Variants in MNS1 observed in about 807,000 individuals in gnomAD.
MNS1 encodes meiosis specific nuclear structural 1.
A neutral mutation model predicts 72.0 loss-of-function variants in MNS1; 63 were observed. The observed-to-expected ratio is 0.87, with a 90% CI of 0.71 to 1.08. MNS1 has a LOEUF of 1.08. MNS1 is among the 50% of genes least tolerant of loss of function. MNS1 has a pLI of 0.00. For missense variants in MNS1, 604 were observed against 562.4 expected, an observed-to-expected ratio of 1.07 and a Z score of -0.75; for synonymous variants, 188 against 172.1, an observed-to-expected ratio of 1.09 and a Z score of -0.72.
At chr15:56,464,287 C>G in intron 1 of MNS1, 40 bp from the exon 2 acceptor site, 1 of 1,398,546 alleles carries the variant, frequency 7.2e-7, no homozygotes, top group Non-Finnish European at 9.8e-7. Flanking sequence ...TTTTGATATT[C>G]CAAAATCTAA....
Position 56,443,683 on chromosome 15 carries a change from T to C in MNS1, c.858A>G (p.Ala286=), listed in dbSNP as rs2050857220. The stretch of plus-strand genomic sequence containing the variant: ...TTTTCTCCTCATTTTCTTGAACTTT[T>C]GCCATCCGATCTTCTTCTCTTTGCT... ...MQQQREEDRM[A]KVQENEEKRL... is the part of the protein sequence containing the mutation. The change falls in exon 6 of 10, where the codon GCA becomes GCG. Residue 286 remains alanine, a synonymous_variant. Coordinates refer to ENST00000260453, the MANE Select transcript of MNS1 (RefSeq NM_018365.4). 1.2e-6 allele frequency: 2 copies of C among 1,613,480 alleles called. No individual in the cohort carries two copies. Among genetic ancestry groups the C allele is most frequent in the African/African-American group, 1.3e-5 (1 of 75,052 alleles).
intron 2 of MNS1, among the ~76,000 whole-genome samples, chr15:56,461,778 CTA>C (rs2051023190): frequency 1.3e-5 from 2 of 150,098 alleles, no homozygotes; most frequent in African/African-American, 4.9e-5. Context: ...ACATAAATAT[CTA>C]TGAGTCCATA....
At chr15:56,436,228 T>G (rs529659937) in intron 7 of MNS1, among the ~76,000 whole-genome samples, 2 of 152,164 alleles carry the variant, frequency 1.3e-5, no homozygotes, top group African/African-American at 2.4e-5. Context: ...TCAGCAAATG[T>G]AAAAGAACAG....
chr15:56,445,399 A>G (rs759264899), intron 4 of MNS1, among the ~76,000 whole-genome samples: 134 of 152,154 alleles, frequency 8.8e-4, no homozygotes, highest in Non-Finnish European at 1.6e-3. Context: ...TTTTTAAACT[A>G]CGCTTTACTT....
intron 9 of MNS1, chr15:56,430,204 C>CTGTT (rs1165663401): frequency 6.6e-6 from 1 of 152,024 alleles, no homozygotes; most frequent in East Asian, 1.9e-4. Context: ...GCCTATGAAA[C>CTGTT]TGTTATTACT....
intron 7 of MNS1, among the ~76,000 whole-genome samples, chr15:56,438,148 A>T (rs1167184024): frequency 6.6e-6 from 1 of 152,154 alleles, no homozygotes; most frequent in African/African-American, 2.4e-5. Context: ...AAAAGGGGCC[A>T]CATTGCCAAG....
intron 5 of MNS1, among the ~76,000 whole-genome samples, chr15:56,444,055 C>T (rs1435638723): frequency 6.6e-6 from 1 of 151,972 alleles, no homozygotes; most frequent in Admixed American, 6.6e-5. Flanking sequence ...ATAGTCTCCT[C>T]TAACCTATTA....
intron 4 of MNS1, 84 bp downstream of exon 4, chr15:56,446,757 A>G (rs1291921796): frequency 1.0e-6 from 1 of 989,240 alleles, no homozygotes; most frequent in African/African-American, 1.6e-5. Flanking sequence ...AATTCTTTAT[A>G]CAATATGACA....
chr15:56,435,544 T>C (rs1322486839), intron 7 of MNS1, among the ~76,000 whole-genome samples: 11 of 152,010 alleles, frequency 7.2e-5, no homozygotes, highest in Admixed American at 5.3e-4. Flanking sequence ...CTACAAATTA[T>C]TATACACACA....
chr15:56,459,328 T>C (rs562892084), intron 2 of MNS1, among the ~76,000 whole-genome samples: 4 of 152,360 alleles, frequency 2.6e-5, no homozygotes, highest in East Asian at 3.9e-4. Context: ...TTCCATTGTA[T>C]AGATGTAACA....
rs1018635739 is a variant in MNS1, at chr15:56,440,199, T to C, written c.1011+3231A>G. On this transcript the variant is annotated intron_variant, in intron 7 of 9. Transcript: ENST00000260453. ...TCAGCATCATTAGTCATCAGGAAAA[T>C]GCAAAATAAAACTACAAGGTATCAC... Among the ~76,000 whole-genome samples, 11 of 152,032 alleles carry C rather than the reference T, an allele frequency of 7.2e-5. No homozygotes were observed. The East Asian group carries it at 1.9e-3, about 27-fold the overall frequency.
intron 3 of MNS1, among the ~76,000 whole-genome samples, chr15:56,451,602 A>T (rs1421361121): frequency 6.6e-6 from 1 of 152,134 alleles, no homozygotes; most frequent in African/African-American, 2.4e-5. Flanking sequence ...TGGTATTTTC[A>T]TTATTATTCA....
intron 7 of MNS1, among the ~76,000 whole-genome samples, chr15:56,440,143 G>T (rs1192240939): frequency 6.6e-6 from 1 of 152,118 alleles, no homozygotes; most frequent in Non-Finnish European, 1.5e-5. Flanking sequence ...TTACACCAAA[G>T]AGGACAGCAA....
intron 7 of MNS1, among the ~76,000 whole-genome samples, chr15:56,438,332 C>CT (rs1177317562): frequency 3.5e-4 from 53 of 151,344 alleles, no homozygotes; most frequent in African/African-American, 3.4e-4. Context: ...ACCATCTGCT[C>CT]TTTTTTTTTG....
intron 7 of MNS1, among the ~76,000 whole-genome samples, chr15:56,440,155 TA>T (rs2050794937): frequency 6.6e-6 from 1 of 151,928 alleles, no homozygotes; most frequent in African/African-American, 2.4e-5. Context: ...GGACAGCAAA[TA>T]AGCACATGAA....
chr15:56,454,814 T>C (rs1379222205), intron 3 of MNS1, among the ~76,000 whole-genome samples: 1 of 152,196 alleles, frequency 6.6e-6, no homozygotes, highest in East Asian at 1.9e-4. Flanking sequence ...TCTATCCTTT[T>C]GTCTCTCCAT....
intron 9 of MNS1, chr15:56,429,483 G>C (rs1161395745): frequency 1.1e-5 from 3 of 285,260 alleles, no homozygotes; most frequent in African/African-American, 6.8e-5. Context: ...ACCTAGATAG[G>C]AAGGCACTTC....
intron 3 of MNS1, among the ~76,000 whole-genome samples, chr15:56,454,555 C>G (rs897491371): frequency 6.6e-6 from 1 of 152,002 alleles, no homozygotes; most frequent in Admixed American, 6.6e-5. Context: ...TGGAGATAAT[C>G]ATCTTTTTTG....
intron 4 of MNS1, among the ~76,000 whole-genome samples, chr15:56,446,399 G>A (rs553212123): frequency 3.3e-5 from 5 of 151,990 alleles, no homozygotes; most frequent in Admixed American, 3.3e-4. Context: ...AGTTAGAAAA[G>A]GGGATAAAAG....
Sources: gnomAD v4.1 joint callset for allele counts (sites outside exome capture counted in the v4.1 genomes callset) on GRCh38, gnomAD v4.1.1 for gene constraint, MANE v1.5 for transcripts, NCBI Gene and HGNC (gene_info 2026-07-23, HGNC 2026-07-21) for gene names.